ADORA2B: variants seen among roughly 807,000 people sequenced by gnomAD.
ADORA2B encodes the protein adenosine receptor A2b.
ADORA2B carries 18 observed loss-of-function variants against 20.8 expected under a neutral mutation model. The observed-to-expected ratio is 0.87, with a 90% CI of 0.60 to 1.29. The LOEUF (loss-of-function observed/expected upper bound fraction) is 1.29, where lower values mean the gene tolerates loss of function less well. Among genes scored for constraint, ADORA2B ranks in the 50% most tolerant of loss-of-function variants. The pLI is 0.00. For synonymous variants in ADORA2B, 179 were observed against 178.3 expected, an observed-to-expected ratio of 1.00 and a Z score of -0.03; for missense variants, 441 against 422.7, an observed-to-expected ratio of 1.04 and a Z score of -0.38.
the ADORA2B span, among the ~76,000 whole-genome samples, chr17:15,866,514 T>C: frequency 6.6e-6 from 1 of 150,460 alleles, no homozygotes; most frequent in Non-Finnish European, 1.5e-5. Flanking sequence ...AGCGGGGGTA[T>C]TGGCTCTGTA....
At chr17:15,931,005 T>C in the ADORA2B span, among the ~76,000 whole-genome samples, 1 of 152,124 alleles carries the variant, frequency 6.6e-6, no homozygotes, top group Non-Finnish European at 1.5e-5. Context: ...ACCTTGCACA[T>C]ATCAAAACAC....
intron 1 of ADORA2B, among the ~76,000 whole-genome samples, chr17:15,947,834 G>C (rs2151592310): frequency 6.6e-6 from 1 of 152,312 alleles, no homozygotes; most frequent in Middle Eastern, 3.4e-3. Flanking sequence ...CTCTGGAGTG[G>C]GTGTCGAGGG....
Position 15,975,147 on chromosome 17 carries a change from C to T in ADORA2B, c.804C>T (p.Pro268=), listed in dbSNP as rs781577406. Residue 268 remains proline (P), a synonymous_variant, in exon 2 of 2, where the codon CCC becomes CCT. Transcript: ENST00000304222. ...AGCCAGCTCAGGGTAAAAATAAGCC[C>T]AAGTGGGCAATGAATATGGCCATTC... is the stretch of plus-strand genomic sequence containing the variant. ...LFQPAQGKNK[P]KWAMNMAILL... is the part of the protein sequence containing the mutation. 6.2e-7 allele frequency: 1 copy of T among 1,614,076 alleles called. No homozygotes were observed. Among genetic ancestry groups the T allele is most frequent in the Non-Finnish European group, 8.5e-7 (1 of 1,180,044 alleles).
the ADORA2B span, among the ~76,000 whole-genome samples, chr17:15,887,297 A>G: frequency 6.2e-4 from 81 of 130,686 alleles, 8 homozygotes; most frequent in East Asian, 0.015. Flanking sequence ...TCAAACCCCA[A>G]GTGCCGTCAG....
chr17:15,872,216 G>A, the ADORA2B span, among the ~76,000 whole-genome samples: 1 of 152,082 alleles, frequency 6.6e-6, no homozygotes, highest in Non-Finnish European at 1.5e-5. Context: ...CACAACATTG[G>A]GAATGTACTA....
the ADORA2B span, among the ~76,000 whole-genome samples, chr17:15,883,294 AC>A: frequency 6.6e-6 from 1 of 152,228 alleles, no homozygotes; most frequent in African/African-American, 2.4e-5. Flanking sequence ...AATTTCTCTT[AC>A]TAAAAATATT....
At chr17:15,928,912 A>C in the ADORA2B span, among the ~76,000 whole-genome samples, 1 of 152,052 alleles carries the variant, frequency 6.6e-6, no homozygotes, top group Non-Finnish European at 1.5e-5. Flanking sequence ...AGGGTGATGT[A>C]GTCCCTAAGC....
the ADORA2B span, among the ~76,000 whole-genome samples, chr17:15,931,230 T>C: frequency 0.029 from 4,440 of 152,294 alleles, 214 homozygotes; most frequent in African/African-American, 0.1. Context: ...TCTATGTTAT[T>C]CCACCTGGAA....
chr17:15,886,887 G>C, the ADORA2B span, among the ~76,000 whole-genome samples: 1 of 129,772 alleles, frequency 7.7e-6, no homozygotes, highest in Non-Finnish European at 1.6e-5. Context: ...CCTGCCTTCA[G>C]GCGCTGTGCA....
chr17:15,937,149 G>A, the ADORA2B span, among the ~76,000 whole-genome samples: 1 of 152,092 alleles, frequency 6.6e-6, no homozygotes, highest in Admixed American at 6.5e-5. Flanking sequence ...ATAATACAAT[G>A]TGGCAACTCT....
intron 1 of ADORA2B, among the ~76,000 whole-genome samples, chr17:15,972,148 G>A (rs1223429165): frequency 6.6e-6 from 1 of 152,154 alleles, no homozygotes; most frequent in Non-Finnish European, 1.5e-5. Context: ...GAAAGGAAGT[G>A]ACCTTTTAAG....
the ADORA2B span, among the ~76,000 whole-genome samples, chr17:15,912,737 A>G: frequency 6.6e-6 from 1 of 152,172 alleles, no homozygotes; most frequent in Non-Finnish European, 1.5e-5. Flanking sequence ...GCACGCACAC[A>G]TGGGCATTTT....
the ADORA2B span, among the ~76,000 whole-genome samples, chr17:15,906,871 TA>T: frequency 2.0e-5 from 3 of 152,236 alleles, no homozygotes; most frequent in African/African-American, 7.2e-5. Flanking sequence ...ATGTATCAAA[TA>T]TTTTTAGTTC....
chr17:15,920,587 G>A, the ADORA2B span, among the ~76,000 whole-genome samples: 1 of 152,124 alleles, frequency 6.6e-6, no homozygotes, highest in Non-Finnish European at 1.5e-5. Context: ...TGGGTGTGGT[G>A]GCACGTGCCA....
chr17:15,906,521 GT>G, the ADORA2B span, among the ~76,000 whole-genome samples: 2 of 152,068 alleles, frequency 1.3e-5, no homozygotes. Flanking sequence ...TTTGTTAAGG[GT>G]TTTTGTGTCT....
chr17:15,899,373 A>G, the ADORA2B span, among the ~76,000 whole-genome samples: 3 of 152,234 alleles, frequency 2.0e-5, 1 homozygote, highest in South Asian at 4.1e-4. Context: ...TTATATGTAT[A>G]TATTCAAGTA....
chr17:15,890,628 A>G, the ADORA2B span, among the ~76,000 whole-genome samples: 1 of 152,240 alleles, frequency 6.6e-6, no homozygotes, highest in South Asian at 2.1e-4. Flanking sequence ...TCTAGGAAAC[A>G]AGCAGCATGG....
intron 1 of ADORA2B, among the ~76,000 whole-genome samples, chr17:15,955,340 C>T (rs926910072): frequency 6.6e-6 from 1 of 151,894 alleles, no homozygotes; most frequent in African/African-American, 2.4e-5. Flanking sequence ...ACTGTATTTT[C>T]TTAATTAATT....
the ADORA2B span, among the ~76,000 whole-genome samples, chr17:15,935,655 C>T: frequency 6.6e-6 from 1 of 151,966 alleles, no homozygotes; most frequent in African/African-American, 2.4e-5. Flanking sequence ...CTCTCACTCT[C>T]TTTCTAGTAC....
Sources: allele counts gnomAD v4.1 joint callset (sites outside exome capture counted in the v4.1 genomes callset), GRCh38; gene constraint gnomAD v4.1.1; transcripts MANE v1.5; gene names NCBI Gene and HGNC (gene_info 2026-07-23, HGNC 2026-07-21).